CSMD1: variants seen among roughly 807,000 people sequenced by gnomAD.
CSMD1 encodes CUB and sushi domain-containing protein 1.
In CSMD1, 213 loss-of-function variants were observed where a neutral mutation model predicts 417.5. That is an observed-to-expected ratio of 0.51 (90% CI 0.46 to 0.57). CSMD1 has a LOEUF of 0.57. Ranked by LOEUF, CSMD1 falls within the 20% of genes least tolerant of loss-of-function variation. The pLI is 0.00. For synonymous variants in CSMD1, 2,862 were observed against 1,736.8 expected (o/e 1.65, Z -16.11); for missense variants, 6,923 against 4,529.7 (o/e 1.53, Z -15.17).
At chr8:4,261,232 T>C (rs1160567328) in intron 3 of CSMD1, among the ~76,000 whole-genome samples, 2 of 152,200 alleles carry the variant, frequency 1.3e-5, no homozygotes, top group East Asian at 1.9e-4. Flanking sequence ...CATTCCTGAA[T>C]CTTGTGTAGT....
At chr8:3,711,441 C>T (rs1425637566) in intron 6 of CSMD1, among the ~76,000 whole-genome samples, 3 of 152,170 alleles carry the variant, frequency 2.0e-5, no homozygotes, top group African/African-American at 7.2e-5. Flanking sequence ...AGGCTCACAA[C>T]GTCCAGCCCA....
intron 49 of CSMD1, among the ~76,000 whole-genome samples, chr8:3,055,088 A>C (rs1812126666): frequency 1.3e-5 from 2 of 152,188 alleles, no homozygotes; most frequent in Non-Finnish European, 2.9e-5. Context: ...CTTCCTTAAA[A>C]TTCTCATTTG....
chr8:4,783,624 C>T (rs1304882366), intron 1 of CSMD1, among the ~76,000 whole-genome samples: 1 of 152,206 alleles, frequency 6.6e-6, no homozygotes, highest in Non-Finnish European at 1.5e-5. Context: ...CCTCTTTTCA[C>T]TTGGCCTCCT....
At chr8:4,064,968 T>C (rs868805187) in intron 3 of CSMD1, among the ~76,000 whole-genome samples, 1 of 152,190 alleles carries the variant, frequency 6.6e-6, no homozygotes, top group Non-Finnish European at 1.5e-5. Context: ...ACGCTGTGCA[T>C]TCACTAACTT....
chr8:3,682,362 G>C (rs76415617), intron 7 of CSMD1, among the ~76,000 whole-genome samples: 22,996 of 151,946 alleles, frequency 0.15, 1,861 homozygotes, highest in African/African-American at 0.21. Flanking sequence ...ACAAGCAACC[G>C]CATCAACAAG....
At chr8:4,453,208 C>T (rs1002450229) in intron 2 of CSMD1, among the ~76,000 whole-genome samples, 14 of 102,662 alleles carry the variant, frequency 1.4e-4, no homozygotes, top group African/African-American at 5.0e-4. Context: ...CACACAGACA[C>T]ACACAGAGAC....
chr8:4,566,730 A>G (rs1798630831), intron 2 of CSMD1, among the ~76,000 whole-genome samples: 1 of 151,792 alleles, frequency 6.6e-6, no homozygotes, highest in Non-Finnish European at 1.5e-5. Flanking sequence ...ACAGTTTCAA[A>G]TATTTGAGGT....
At chr8:4,418,948 A>T (rs923058085) in intron 3 of CSMD1, among the ~76,000 whole-genome samples, 3 of 152,186 alleles carry the variant, frequency 2.0e-5, no homozygotes, top group Non-Finnish European at 4.4e-5. Context: ...AAGTCGGTCC[A>T]TTCCTATGTC....
chr8:3,188,866 CTG>C lies in CSMD1; in HGVS notation c.5523+19_5523+20del, dbSNP rs1388370388. On this transcript the variant is annotated intron_variant, in intron 35 of 69. Transcript: ENST00000635120. ...GACCCCAGCTGAGCCCTGTTGTAGA[CTG>C]TGGACTTCAAGGACTCACCTGAATT... 3 of 1,542,884 alleles carry C rather than the reference CTG, an allele frequency of 1.9e-6. No individual in the cohort carries two copies. The highest frequency in any genetic ancestry group is 2.6e-6 in the Non-Finnish European group (3 of 1,142,148).
At chr8:4,066,166 T>C (rs1799235221) in intron 3 of CSMD1, among the ~76,000 whole-genome samples, 1 of 152,216 alleles carries the variant, frequency 6.6e-6, no homozygotes, top group African/African-American at 2.4e-5. Flanking sequence ...CCATTATTTC[T>C]AAAGATTCAC....
In CSMD1 at chr8:3,972,423, T is replaced by C. The variant is rs374318952; in HGVS notation, c.818+25480A>G. ...ATTAGAAAGTCAAGTGATTAACATT[T>C]AATGTAACTTTAGGTCTTTGTAAAC... On this transcript the variant is annotated intron_variant, in intron 5 of 69. Coordinates refer to ENST00000635120, the MANE Select transcript of CSMD1 (RefSeq NM_033225.6). 1.3e-4 allele frequency among the ~76,000 whole-genome samples: 20 copies of C among 152,320 alleles called. No homozygotes were observed. In the South Asian group the frequency reaches 4.1e-3, roughly 32 times the overall value.
chr8:3,359,199 A>C lies in CSMD1; in HGVS notation c.3257T>G (p.Leu1086Arg). ...ACTCCACACACGGCGGCCCCCACCC[A>C]GGCAGGTAAGCTTGGTGGCACCTTC... is the stretch of plus-strand genomic sequence containing the variant. ...RLEGATKLTC[L>R]GGGRRVWSAP... Residue 1086 changes from leucine (L) to arginine (R), a missense_variant, in exon 21 of 70, where the codon CTG becomes CGG. Leu to Arg is a moderately radical substitution (Grantham distance 102). Coordinates refer to ENST00000635120, the MANE Select transcript of CSMD1 (RefSeq NM_033225.6). The C allele has an allele frequency of 1.2e-6, 2 of 1,613,990 alleles. No homozygotes were observed. Among genetic ancestry groups the C allele is most frequent in the Non-Finnish European group, 1.7e-6 (2 of 1,179,928 alleles).
At chr8:3,696,573 G>T (rs914738305) in intron 7 of CSMD1, among the ~76,000 whole-genome samples, 2 of 152,134 alleles carry the variant, frequency 1.3e-5, no homozygotes, top group Non-Finnish European at 2.9e-5. Context: ...AATTAGTGTG[G>T]TAATTAATTT....
intron 54 of CSMD1, among the ~76,000 whole-genome samples, chr8:2,984,408 G>A (rs181084066): frequency 4.0e-5 from 6 of 151,782 alleles, no homozygotes; most frequent in Admixed American, 2.6e-4. Flanking sequence ...GAGTGCAGTG[G>A]CATTATCTTG....
chr8:4,820,526 C>T (rs1362400722), intron 1 of CSMD1, among the ~76,000 whole-genome samples: 1 of 152,042 alleles, frequency 6.6e-6, no homozygotes, highest in African/African-American at 2.4e-5. Flanking sequence ...CTCAGAAAGA[C>T]AGAAGAATAA....
intron 7 of CSMD1, among the ~76,000 whole-genome samples, chr8:3,676,755 A>G (rs1386041000): frequency 6.6e-6 from 1 of 152,148 alleles, no homozygotes; most frequent in Non-Finnish European, 1.5e-5. Flanking sequence ...CATAGCAAAC[A>G]CTTGGAACCA....
At chr8:3,667,135 T>C (rs748947274) in intron 7 of CSMD1, among the ~76,000 whole-genome samples, 1 of 151,616 alleles carries the variant, frequency 6.6e-6, no homozygotes, top group African/African-American at 2.4e-5. Flanking sequence ...AGTTTGGGAG[T>C]GAGGTAAAGG....
chr8:3,077,535 G>C (rs1379379588), intron 49 of CSMD1, among the ~76,000 whole-genome samples: 1 of 152,210 alleles, frequency 6.6e-6, no homozygotes, highest in Non-Finnish European at 1.5e-5. Flanking sequence ...TGGCTGGCAG[G>C]TCCAGCCACC....
chr8:4,455,709 T>C (rs1799425970), intron 2 of CSMD1, among the ~76,000 whole-genome samples: 1 of 151,644 alleles, frequency 6.6e-6, no homozygotes, highest in African/African-American at 2.4e-5. Flanking sequence ...AGCGGGTCGA[T>C]CACCTGAGGT....
Sources: allele counts gnomAD v4.1 joint callset (sites outside exome capture counted in the v4.1 genomes callset), GRCh38; gene constraint gnomAD v4.1.1; transcripts MANE v1.5; gene names NCBI Gene and HGNC (gene_info 2026-07-23, HGNC 2026-07-21).